The following NID1 variants were observed in gnomAD, a reference collection of about 807,000 sequenced individuals.
NID1 encodes nidogen-1.
Under a neutral mutation model 130.6 loss-of-function variants are expected in NID1, and 76 were observed. That is an observed-to-expected ratio of 0.58 (90% CI 0.48 to 0.70). The LOEUF is 0.70. Among genes scored for constraint, NID1 ranks in the 30% least tolerant of loss-of-function variants. The probability of loss-of-function intolerance (pLI) is 0.00; values close to 1 mark genes in which losing one functional copy is unlikely to be tolerated. For missense variants in NID1, 1,517 were observed against 1,664.8 expected (o/e 0.91, Z 1.54); for synonymous variants, 665 against 675.1 (o/e 0.98, Z 0.23).
intron 9 of NID1, 123 bp downstream of exon 9, chr1:236,023,947 T>C: frequency 7.8e-7 from 1 of 1,278,564 alleles, no homozygotes; most frequent in South Asian, 1.4e-5. Context: ...AGGCCTGGCA[T>C]GTCCACCAGT....
intron 7 of NID1, among the ~76,000 whole-genome samples, chr1:236,028,736 G>A (rs1262220322): frequency 1.3e-5 from 2 of 151,774 alleles, no homozygotes; most frequent in Non-Finnish European, 2.9e-5. Flanking sequence ...AGAGAGAATG[G>A]TAAAGTAAAT....
intron 13 of NID1, among the ~76,000 whole-genome samples, chr1:235,993,004 T>C (rs1657801612): frequency 6.6e-6 from 1 of 151,332 alleles, no homozygotes; most frequent in African/African-American, 2.5e-5. Context: ...GGGGAAAGTG[T>C]CTGTCCAGAG....
intron 6 of NID1, among the ~76,000 whole-genome samples, chr1:236,030,696 G>A (rs992296438): frequency 7.2e-5 from 11 of 152,260 alleles, no homozygotes; most frequent in South Asian, 2.1e-4. Context: ...GCCCTTTGCC[G>A]AAAAAGTTTG....
At position 235,985,694 on chromosome 1, in the gene NID1, A is replaced by C. The variant is rs537001464; in HGVS notation, c.2929-189T>G. ...TTCAGAAAAAACTCCTGTCATATAC[A>C]CATATATGCACATCTATATGTATAG... is the stretch of plus-strand genomic sequence containing the variant. On this transcript the variant is annotated intron_variant, in intron 14 of 19. Transcript: ENST00000264187. Among the ~76,000 whole-genome samples, 76 of 152,274 alleles carry C rather than the reference A, an allele frequency of 5.0e-4. No individual in the cohort carries two copies. In the South Asian group the frequency reaches 0.015, roughly 29 times the overall value.
chr1:236,025,809 G>A, intron 8 of NID1, 87 bp downstream of exon 8: 2 of 1,507,084 alleles, frequency 1.3e-6, no homozygotes, highest in Admixed American at 1.9e-5. Flanking sequence ...TCTACAGACT[G>A]AGAGTAAGAG....
At chr1:235,997,912 T>A (rs1198233174) in intron 12 of NID1, among the ~76,000 whole-genome samples, 2 of 152,128 alleles carry the variant, frequency 1.3e-5, no homozygotes, top group South Asian at 2.1e-4. Context: ...CTGGCCTCAG[T>A]TCCATTACTT....
rs757630278 is a variant in NID1 at position 235,980,650 on chromosome 1, G to T, written c.3231C>A (p.Asn1077Lys). The T allele has an allele frequency of 5.6e-6, 9 of 1,612,044 alleles. No homozygotes were observed. The highest frequency in any genetic ancestry group is 1.1e-5 in the South Asian group (1 of 90,740). Residue 1077 changes from asparagine (N) to lysine (K), a missense_variant, in exon 17 of 20, where the codon AAC becomes AAA. Asn to Lys is a moderately conservative substitution (Grantham distance 94, BLOSUM62 0). Around this residue, in one of 3 missense-constraint regions of NID1, gnomAD observed 7 missense variants for 24.3 expected, o/e 0.29. Coordinates refer to ENST00000264187, the MANE Select transcript of NID1 (RefSeq NM_002508.3). ...CTCTGTTCCAGTCTGTCCAGTAAAGGTTCCTGGAGGAGGAAAAAGGGGGGA... is the reference window on the plus strand; with the variant it reads ...CTCTGTTCCAGTCTGTCCAGTAAAGTTTCCTGGAGGAGGAAAAAGGGGGGA... ...RGIVTDSVRG[N>K]LYWTDWNRDN...
intron 12 of NID1, among the ~76,000 whole-genome samples, chr1:235,999,490 C>G (rs577395961): frequency 1.3e-5 from 2 of 152,022 alleles, no homozygotes; most frequent in South Asian, 4.2e-4. Flanking sequence ...GAGTCCCCTG[C>G]TGAGTGTCCC....
intron 10 of NID1, among the ~76,000 whole-genome samples, chr1:236,014,809 G>A (rs1658538591): frequency 6.6e-6 from 1 of 152,180 alleles, no homozygotes; most frequent in Admixed American, 6.5e-5. Flanking sequence ...CCAGCCCAGT[G>A]TCACAGGGCT....
intron 12 of NID1, among the ~76,000 whole-genome samples, chr1:236,008,077 T>C (rs767762813): frequency 6.6e-5 from 10 of 152,108 alleles, no homozygotes; most frequent in Non-Finnish European, 1.3e-4. Context: ...TACACAAACA[T>C]ACATACAAGT....
chr1:235,987,897 A>G (rs1044257743), intron 14 of NID1, among the ~76,000 whole-genome samples: 2 of 152,156 alleles, frequency 1.3e-5, no homozygotes, highest in African/African-American at 4.8e-5. Flanking sequence ...AATTAACTCA[A>G]ATGAATCAAA....
chr1:236,006,660 T>C (rs981119291), intron 12 of NID1, among the ~76,000 whole-genome samples: 1 of 152,112 alleles, frequency 6.6e-6, no homozygotes, highest in African/African-American at 2.4e-5. Flanking sequence ...ATAAAGCTAT[T>C]AGAAATGCAA....
At chr1:235,989,189 T>C (rs1657657232) in intron 14 of NID1, among the ~76,000 whole-genome samples, 1 of 151,488 alleles carries the variant, frequency 6.6e-6, no homozygotes. Context: ...CCCAAGTAGC[T>C]GGGATTACAG....
chr1:236,037,593 A>G (rs57489517), intron 5 of NID1, among the ~76,000 whole-genome samples: 6,783 of 151,916 alleles, frequency 0.045, 326 homozygotes, highest in African/African-American at 0.12. Context: ...GGGAGATGAA[A>G]GCTGCAGTGA....
In NID1 at chr1:236,032,396, A is replaced by G. The variant is rs753569248; in HGVS notation, c.1537+5T>C. 12 of 1,613,140 alleles carry G rather than the reference A, an allele frequency of 7.4e-6. No homozygotes were observed. Among genetic ancestry groups the G allele is most frequent in the Admixed American group, 3.3e-5 (2 of 59,978 alleles). ...CCACTAATTTTAATGTCGGATATAA[A>G]TTACCGGTGATGCTGAACCCATTCT... On this transcript the variant is annotated splice_donor_5th_base_variant and intron_variant, in intron 6 of 19. Transcript: ENST00000264187.
rs530519811 is a variant in NID1 at position 235,992,521 on chromosome 1, G to A, written c.2755+1124C>T. 1.6e-4 allele frequency among the ~76,000 whole-genome samples: 25 copies of A among 152,272 alleles called. No homozygotes were observed. In the South Asian group the frequency reaches 5.0e-3, roughly 30 times the overall value. On this transcript the variant is annotated intron_variant, in intron 13 of 19. Coordinates refer to ENST00000264187, the MANE Select transcript of NID1 (RefSeq NM_002508.3). ...GGCTTAGAAACGTGGCTCACACGGT[G>A]CTGCTTCTGGAAAGCCTCACCCATG...
Position 235,977,291 on chromosome 1 carries a change from A to C in NID1, c.*576T>G, listed in dbSNP as rs1402886074. ...TGAAAAAGCAGCGCATGAATATTAT[A>C]ATGGGGGTCTTAGACAAGATGATGA... is the stretch of plus-strand genomic sequence containing the variant. On this transcript the variant is annotated 3_prime_UTR_variant, in exon 20 of 20. Coordinates refer to ENST00000264187, the MANE Select transcript of NID1 (RefSeq NM_002508.3). 6.5e-6 allele frequency: 1 copy of C among 152,684 alleles called. No homozygotes were observed. Among genetic ancestry groups the C allele is most frequent in the African/African-American group, 2.4e-5 (1 of 41,450 alleles). The allele number at this position is 152,684 out of a possible 1,614,324, so 9.5% of individuals were successfully genotyped here. A position where few individuals can be genotyped will look rare whatever the true frequency, so the allele number is the denominator to read the frequency against.
rs1406501218 is a variant in NID1, at chr1:235,993,729, C to T, written c.2671G>A (p.Gly891Ser). Residue 891 changes from glycine (G) to serine (S), a missense_variant, in exon 13 of 20, where the codon GGC becomes AGC. Coordinates refer to ENST00000264187, the MANE Select transcript of NID1 (RefSeq NM_002508.3). ...ACGCACCAGCAGTAGCCGGTGCTGC[C>T]GTGGCACTGGGTGGGCGCGTAGTGC... ...HGHYAPTQCH[G>S]STGYCWCVDR... 1.2e-6 allele frequency: 2 copies of T among 1,611,974 alleles called. No individual in the cohort carries two copies. The highest frequency in any genetic ancestry group is 1.7e-6 in the Non-Finnish European group (2 of 1,178,756).
chr1:235,994,353 G>A (rs1033287162), intron 12 of NID1, among the ~76,000 whole-genome samples: 1 of 152,126 alleles, frequency 6.6e-6, no homozygotes, highest in Non-Finnish European at 1.5e-5. Context: ...GTAGAGACAG[G>A]GTTTCACCAT....
Sources: gnomAD v4.1 joint callset for allele counts (sites outside exome capture counted in the v4.1 genomes callset) on GRCh38, gnomAD v4.1.1 for gene constraint, gnomAD v4.1.1 regional missense constraint, MANE v1.5 for transcripts, NCBI Gene and HGNC (gene_info 2026-07-23, HGNC 2026-07-21) for gene names.